Variants in SRRD observed in about 807,000 individuals in gnomAD.
SRRD encodes the protein SRR1 domain containing.
In SRRD, 28 loss-of-function variants were observed where a neutral mutation model predicts 30.7. The observed-to-expected ratio is 0.91, with a 90% confidence interval of 0.68 to 1.25. The LOEUF is 1.25. SRRD is among the 50% of genes most tolerant of loss of function. SRRD has a pLI of 0.00. For synonymous variants in SRRD, 161 were observed against 159.6 expected (o/e 1.01, Z -0.07); for missense variants, 415 against 417.3 (o/e 0.99, Z 0.05).
chr22:26,486,643 G>T (rs1257261140), intron 2 of SRRD, among the ~76,000 whole-genome samples: 3 of 152,154 alleles, frequency 2.0e-5, no homozygotes, highest in Admixed American at 6.5e-5. Flanking sequence ...TTCCCAAAGC[G>T]CTGGGATTAT....
chr22:26,485,331 CT>C (rs1292530973), intron 1 of SRRD, among the ~76,000 whole-genome samples: 2 of 152,240 alleles, frequency 1.3e-5, no homozygotes, highest in African/African-American at 4.8e-5. Flanking sequence ...TCTCTACCCT[CT>C]GTGAGAAACG....
chr22:26,492,258 T>C lies in SRRD; in HGVS notation c.*586T>C, dbSNP rs1921297136. ...GCCACGCCAATGCCCCTCTGAGCCA[T>C]GTTCTCAGCCTCCCGCCTCTCCTGC... is the stretch of plus-strand genomic sequence containing the variant. On this transcript the variant is annotated 3_prime_UTR_variant, in exon 7 of 7. Coordinates refer to ENST00000215917, the MANE Select transcript of SRRD (RefSeq NM_001013694.3). 4 of 1,614,204 alleles carry C rather than the reference T, an allele frequency of 2.5e-6. No individual in the cohort carries two copies. The highest frequency in any genetic ancestry group is 1.3e-5 in the African/African-American group (1 of 75,048).
chr22:26,490,033 C>T lies in SRRD; in HGVS notation c.610-11C>T, dbSNP rs370920007. ...TGGGCATGTTTACACCTGTGAATAT[C>T]GTATCCCCAGGAAGGGAAACGGAGT... On this transcript the variant is annotated splice_polypyrimidine_tract_variant and intron_variant, in intron 4 of 6. Transcript: ENST00000215917. 26 of 1,613,606 alleles carry T rather than the reference C, an allele frequency of 1.6e-5. No individual in the cohort carries two copies. The African/African-American group carries it at 2.3e-4, about 14-fold the overall frequency.
intron 4 of SRRD, among the ~76,000 whole-genome samples, chr22:26,489,376 A>G (rs1196791878): frequency 6.6e-6 from 1 of 151,998 alleles, no homozygotes; most frequent in Non-Finnish European, 1.5e-5. Context: ...GTTCGGAGGG[A>G]TGGAGGAAGG....
rs1047124063 is a variant in SRRD at position 26,492,269 on chromosome 22, T to A, written c.*597T>A. On this transcript the variant is annotated 3_prime_UTR_variant, in exon 7 of 7. Transcript: ENST00000215917. ...GCCCCTCTGAGCCATGTTCTCAGCC[T>A]CCCGCCTCTCCTGCATGGCCTCGTA... 2.5e-6 allele frequency: 4 copies of A among 1,614,136 alleles called. No individual in the cohort carries two copies. The highest frequency in any genetic ancestry group is 8.5e-7 in the Non-Finnish European group (1 of 1,180,024).
Position 26,492,347 on chromosome 22 carries a change from G to A in SRRD, c.*675G>A, listed in dbSNP as rs1250827445. The A allele has an allele frequency of 2.5e-6, 4 of 1,614,084 alleles. No homozygotes were observed. Among genetic ancestry groups the A allele is most frequent in the Non-Finnish European group, 8.5e-7 (1 of 1,179,986 alleles). On this transcript the variant is annotated 3_prime_UTR_variant, in exon 7 of 7. Coordinates refer to ENST00000215917, the MANE Select transcript of SRRD (RefSeq NM_001013694.3). ...GGTGAGATAGGCAATGTTCTCCCGT[G>A]CTCCTGGCTGCATGTAGGCACCTAA...
chr22:26,491,680 G>A lies in SRRD; in HGVS notation c.*8G>A. The A allele has an allele frequency of 6.2e-7, 1 of 1,606,738 alleles. No individual in the cohort carries two copies. The highest frequency in any genetic ancestry group is 8.5e-7 in the Non-Finnish European group (1 of 1,179,474). ...CCTTCTGCTACTGACTGAACTCGTTGTGAGGTACTCAGTGTTGGCTGAGGT... is the reference window on the plus strand; with the variant it reads ...CCTTCTGCTACTGACTGAACTCGTTATGAGGTACTCAGTGTTGGCTGAGGT... On this transcript the variant is annotated 3_prime_UTR_variant, in exon 7 of 7. Coordinates refer to ENST00000215917, the MANE Select transcript of SRRD (RefSeq NM_001013694.3).
chr22:26,486,006 A>AT lies in SRRD; in HGVS notation c.210-9dup, dbSNP rs1356517443. 1.2e-5 allele frequency: 20 copies of AT among 1,613,514 alleles called. No individual in the cohort carries two copies. The highest frequency in any genetic ancestry group is 1.7e-5 in the Admixed American group (1 of 59,958). ...GAGATGGGTGGGACATGACTGTGCC[A>AT]TTTTTTTTCTCAACAGGAAGGACCT... On this transcript the variant is annotated splice_polypyrimidine_tract_variant and intron_variant, in intron 1 of 6. Transcript: ENST00000215917.
At position 26,484,105 on chromosome 22, in the gene SRRD, T is replaced by C; in HGVS notation, c.209+6T>C. On this transcript the variant is annotated splice_donor_region_variant and intron_variant, in intron 1 of 6. Transcript: ENST00000215917. ...CGTCGCATCTGGGAGGCTGAGTGAGTGCAGGCTCGGCCCTGATGGAATCTT... is the reference window on the plus strand; with the variant it reads ...CGTCGCATCTGGGAGGCTGAGTGAGCGCAGGCTCGGCCCTGATGGAATCTT... 1.3e-6 allele frequency: 2 copies of C among 1,522,716 alleles called. No individual in the cohort carries two copies. The highest frequency in any genetic ancestry group is 4.0e-5 in the Admixed American group (2 of 49,812). The allele number at this position is 1,522,716 out of a possible 1,614,324, so 94.3% of individuals were successfully genotyped here.
rs1198393362 is a variant in SRRD, at chr22:26,488,506, G to A, written c.609+18G>A. The A allele has an allele frequency of 1.3e-6, 2 of 1,587,674 alleles. No individual in the cohort carries two copies. The highest frequency in any genetic ancestry group is 1.7e-6 in the Non-Finnish European group (2 of 1,155,978). On this transcript the variant is annotated intron_variant, in intron 4 of 6. Transcript: ENST00000215917. ...AGAACGAGGTAAGTGGTTTAAAGGG[G>A]AGCAGACAGAACTGTAAAAATCCTG...
intron 1 of SRRD, among the ~76,000 whole-genome samples, 162 bp downstream of exon 1, chr22:26,484,261 G>A (rs2091639778): frequency 6.6e-6 from 1 of 152,204 alleles, no homozygotes; most frequent in Admixed American, 6.5e-5. Context: ...ATTATAGTAA[G>A]CGCTCAGTTA....
rs1238884668 is a variant in SRRD, at chr22:26,494,571, G to A, written c.*2899G>A. 4 of 704,978 alleles carry A rather than the reference G, an allele frequency of 5.7e-6. No homozygotes were observed. The highest frequency in any genetic ancestry group is 3.6e-5 in the African/African-American group (2 of 55,940). 43.7% of individuals were successfully genotyped at this position (704,978 alleles called of 1,614,324 possible). ...ACCATATCCCCTACCCCATAGGGTT[G>A]CTGAGAGGAGCTGAGATAAAGCAAA... is the stretch of plus-strand genomic sequence containing the variant. On this transcript the variant is annotated 3_prime_UTR_variant, in exon 7 of 7. Coordinates refer to ENST00000215917, the MANE Select transcript of SRRD (RefSeq NM_001013694.3).
At chr22:26,490,344 A>C in intron 5 of SRRD, 146 bp downstream of exon 5, 2 of 973,680 alleles carry the variant, frequency 2.1e-6, no homozygotes, top group African/African-American at 1.6e-5. Flanking sequence ...TTAAAGACAG[A>C]TGTCAAATCC....
Position 26,491,007 on chromosome 22 carries a change from G to GT in SRRD, c.765-10dup, listed in dbSNP as rs756894644. The GT allele has an allele frequency of 6.5e-5, 104 of 1,589,028 alleles. No homozygotes were observed. The East Asian group carries it at 1.2e-3, about 18-fold the overall frequency. On this transcript the variant is annotated splice_polypyrimidine_tract_variant and intron_variant, in intron 5 of 6. Transcript: ENST00000215917. Reference sequence around the variant, plus strand: ...ATGGTGTTTTTTTTTTGTTTTTTTGGTTTTTTTTAATTTCTAGGTTGTTGG... The same window carrying GT: ...ATGGTGTTTTTTTTTTGTTTTTTTGGTTTTTTTTTAATTTCTAGGTTGTTGG...
At chr22:26,488,600 C>A in intron 4 of SRRD, 112 bp downstream of exon 4, 2 of 794,554 alleles carry the variant, frequency 2.5e-6, no homozygotes, top group East Asian at 2.5e-5. Flanking sequence ...TCCTCTCTTA[C>A]CGCCTGCTCA....
intron 2 of SRRD, among the ~76,000 whole-genome samples, chr22:26,487,387 T>G (rs763337800): frequency 1.6e-4 from 25 of 152,072 alleles, no homozygotes; most frequent in Non-Finnish European, 2.8e-4. Context: ...TGAGATGGAG[T>G]CTTGCTCTGT....
At chr22:26,490,559 C>CT (rs71192931) in intron 5 of SRRD, among the ~76,000 whole-genome samples, 1,049 of 51,760 alleles carry the variant, frequency 0.02, 188 homozygotes, top group African/African-American at 0.041. Flanking sequence ...GGAATATTTG[C>CT]TTTTTTTTTT....
intron 5 of SRRD, among the ~76,000 whole-genome samples, chr22:26,490,559 C>CTTTTTTTTTTTTTTTGTTTTTTT (rs1921032054): frequency 1.9e-5 from 1 of 51,834 alleles, no homozygotes; most frequent in Non-Finnish European, 3.4e-5. Flanking sequence ...GGAATATTTG[C>CTTTTTTTTTTTTTTTGTTTTTTT]TTTTTTTTTT....
intron 2 of SRRD, among the ~76,000 whole-genome samples, chr22:26,487,325 C>T (rs2091716117): frequency 6.6e-6 from 1 of 152,130 alleles, no homozygotes; most frequent in South Asian, 2.1e-4. Flanking sequence ...GACAAGAGAA[C>T]CTACCTCTAC....
Sources: allele counts gnomAD v4.1 joint callset (sites outside exome capture counted in the v4.1 genomes callset), GRCh38; gene constraint gnomAD v4.1.1; transcripts MANE v1.5; gene names NCBI Gene and HGNC (gene_info 2026-07-23, HGNC 2026-07-21).